Variants in CDH13 observed in about 807,000 individuals in gnomAD.
The protein encoded by CDH13 is cadherin 13.
CDH13 carries 24 observed loss-of-function variants against 63.8 expected under a neutral mutation model. The ratio of observed to expected loss-of-function variants is 0.38; its 90% CI spans 0.27 to 0.53. The LOEUF is 0.53. CDH13 is among the 20% of genes least tolerant of loss of function. The probability of loss-of-function intolerance (pLI) is 0.85; values close to 1 mark genes in which losing one functional copy is unlikely to be tolerated. For synonymous variants in CDH13, 503 were observed against 355.3 expected (o/e 1.42, Z -4.67); for missense variants, 1,049 against 903.1 (o/e 1.16, Z -2.07).
intron 10 of CDH13, among the ~76,000 whole-genome samples, chr16:83,707,836 CAAA>C (rs61067563): frequency 3.2e-4 from 25 of 78,870 alleles, no homozygotes; most frequent in South Asian, 2.1e-3. Flanking sequence ...ACCCTAAAGG[CAAA>C]AAAAAAAAAA....
intron 1 of CDH13, among the ~76,000 whole-genome samples, chr16:82,718,666 G>A (rs1358608159): frequency 6.6e-6 from 1 of 152,136 alleles, no homozygotes; most frequent in Non-Finnish European, 1.5e-5. Flanking sequence ...GAAGGTGAAA[G>A]GCACATCTCA....
At chr16:83,316,295 A>G (rs1216797023) in intron 5 of CDH13, among the ~76,000 whole-genome samples, 1 of 152,230 alleles carries the variant, frequency 6.6e-6, no homozygotes, top group Admixed American at 6.5e-5. Flanking sequence ...GAGGCAGACC[A>G]TATCACACAT....
At chr16:83,672,549 C>T (rs759975695) in intron 9 of CDH13, among the ~76,000 whole-genome samples, 18 of 149,188 alleles carry the variant, frequency 1.2e-4, no homozygotes, top group Non-Finnish European at 1.9e-4. Flanking sequence ...CTCAGTCTCC[C>T]GAGTAGCTGG....
chr16:82,968,902 T>C (rs1242901896), intron 2 of CDH13, among the ~76,000 whole-genome samples: 1 of 152,154 alleles, frequency 6.6e-6, no homozygotes, highest in Middle Eastern at 3.2e-3. Flanking sequence ...GGATGATTGC[T>C]TGAGCTCAAG....
chr16:83,274,804 T>C (rs1454841123), intron 5 of CDH13, among the ~76,000 whole-genome samples: 1 of 152,212 alleles, frequency 6.6e-6, no homozygotes, highest in Non-Finnish European at 1.5e-5. Flanking sequence ...GGGTGTGAAC[T>C]ATAATTTGTA....
intron 1 of CDH13, among the ~76,000 whole-genome samples, chr16:82,709,218 C>A (rs1423681584): frequency 6.6e-6 from 1 of 152,202 alleles, no homozygotes; most frequent in Non-Finnish European, 1.5e-5. Flanking sequence ...ACAAGTCTGG[C>A]CAGCTCCCAC....
At chr16:83,720,530 C>A in intron 10 of CDH13, among the ~76,000 whole-genome samples, 1 of 152,036 alleles carries the variant, frequency 6.6e-6, no homozygotes, top group East Asian at 1.9e-4. Context: ...ATTCCTTGAG[C>A]GTAGGAGTTC....
intron 1 of CDH13, among the ~76,000 whole-genome samples, chr16:82,782,127 G>A (rs527624749): frequency 1.3e-5 from 2 of 152,338 alleles, no homozygotes; most frequent in African/African-American, 4.8e-5. Flanking sequence ...ATATGTAGGA[G>A]GGGGCCTCTA....
chr16:83,310,869 A>G (rs1350664406), intron 5 of CDH13, among the ~76,000 whole-genome samples: 1 of 152,158 alleles, frequency 6.6e-6, no homozygotes, highest in Non-Finnish European at 1.5e-5. Context: ...AACAAACCCA[A>G]CTGAGCCAGT....
intron 6 of CDH13, among the ~76,000 whole-genome samples, chr16:83,356,212 ATGTGTGTGTG>A (rs10525181): frequency 0.096 from 13,324 of 138,652 alleles, 821 homozygotes; most frequent in Non-Finnish European, 0.14. Flanking sequence ...ATTTATTTTC[ATGTGTGTGTG>A]TGTGTGTGTG....
chr16:83,551,924 A>G (rs1283538001), intron 7 of CDH13, among the ~76,000 whole-genome samples: 2 of 152,184 alleles, frequency 1.3e-5, no homozygotes, highest in Non-Finnish European at 1.5e-5. Context: ...GAATGGATGG[A>G]TGGATGGATG....
chr16:83,484,222 C>A (rs895345453), intron 6 of CDH13, among the ~76,000 whole-genome samples: 2 of 152,126 alleles, frequency 1.3e-5, no homozygotes, highest in African/African-American at 4.8e-5. Flanking sequence ...AGAAGCATTG[C>A]TATGGAAGGA....
chr16:83,031,094 G>A (rs1471484443), intron 2 of CDH13, among the ~76,000 whole-genome samples: 2 of 150,626 alleles, frequency 1.3e-5, no homozygotes, highest in South Asian at 2.1e-4. Flanking sequence ...TATGGTGCAT[G>A]CGTATGTGTA....
rs56791322 is a variant in CDH13 at position 82,697,739 on chromosome 16, TTG to T, written c.45+70650_45+70651del. Among the ~76,000 whole-genome samples the T allele has an allele frequency of 3.8e-3, 552 of 146,660 alleles. 2 individuals are homozygous for T. The highest frequency in any genetic ancestry group is 0.013 in the African/African-American group (481 of 38,464). On this transcript the variant is annotated intron_variant, in intron 1 of 13. Coordinates refer to ENST00000567109, the MANE Select transcript of CDH13 (RefSeq NM_001257.5). ...CACCGCACCTGGCTGGGCCGAGGCA[TTG>T]TGTGTGTGTGTGTGTGTGTGTGTGT...
At position 82,865,292 on chromosome 16, in the gene CDH13, G is replaced by A. The variant is rs192788827; in HGVS notation, c.157+6819G>A. On this transcript the variant is annotated intron_variant, in intron 2 of 13. Coordinates refer to ENST00000567109, the MANE Select transcript of CDH13 (RefSeq NM_001257.5). ...GGCTGTGCCCCAGTGGGGACTCTGT[G>A]TGGGGATTTCAACCCCACATTTCCC... 6.2e-4 allele frequency among the ~76,000 whole-genome samples: 95 copies of A among 152,360 alleles called. 1 individual carries two copies. Among genetic ancestry groups the A allele is most frequent in the South Asian group, 1.4e-3 (7 of 4,828 alleles).
At chr16:82,682,787 G>C (rs1468812301) in intron 1 of CDH13, among the ~76,000 whole-genome samples, 1 of 152,186 alleles carries the variant, frequency 6.6e-6, no homozygotes, top group Non-Finnish European at 1.5e-5. Flanking sequence ...AAGATCTTCT[G>C]AGAAGGCCTA....
intron 2 of CDH13, among the ~76,000 whole-genome samples, chr16:82,952,022 A>G (rs1259889966): frequency 6.6e-6 from 1 of 152,184 alleles, no homozygotes; most frequent in African/African-American, 2.4e-5. Flanking sequence ...TCACTGGAAC[A>G]TTGTGTTGTG....
intron 10 of CDH13, among the ~76,000 whole-genome samples, chr16:83,678,773 C>T (rs1915168553): frequency 6.6e-6 from 1 of 152,210 alleles, no homozygotes; most frequent in African/African-American, 2.4e-5. Flanking sequence ...AAGGGAGCCA[C>T]TCTGGGTGAC....
intron 4 of CDH13, among the ~76,000 whole-genome samples, chr16:83,160,855 C>T (rs1022973775): frequency 1.3e-5 from 2 of 152,162 alleles, no homozygotes; most frequent in African/African-American, 2.4e-5. Flanking sequence ...GTGAGAAAAA[C>T]AGTTTCCACA....
Sources: gnomAD v4.1 joint callset for allele counts (sites outside exome capture counted in the v4.1 genomes callset) on GRCh38, gnomAD v4.1.1 for gene constraint, MANE v1.5 for transcripts, NCBI Gene and HGNC (gene_info 2026-07-23, HGNC 2026-07-21) for gene names.